The following SLC7A5 variants were observed in gnomAD, a reference collection of about 807,000 sequenced individuals.
SLC7A5 encodes large neutral amino acids transporter small subunit 1.
A neutral mutation model predicts 50.2 loss-of-function variants in SLC7A5; 23 were observed. That is an observed-to-expected ratio of 0.46 (90% CI 0.33 to 0.65). The LOEUF (loss-of-function observed/expected upper bound fraction) is 0.65, where lower values mean the gene tolerates loss of function less well. SLC7A5 is among the 30% of genes least tolerant of loss of function. SLC7A5 has a pLI of 0.02. For synonymous variants in SLC7A5, 393 were observed against 330.6 expected (o/e 1.19, Z -2.05); for missense variants, 578 against 684.4 (o/e 0.84, Z 1.73).
In SLC7A5 at chr16:87,869,286, AG is replaced by A; in HGVS notation, c.136del (p.Leu46CysfsTer25). ...APAGEGEGVTLQRNITLLNGV... is the reference protein window; with the variant it reads ...APAGEGEGVTXQRNITLLNGV... ...GTTGAGCAGCGTGATGTTCCGCTGCAGGGTCACGCCCTCGCCCTCGCCTGCC... is the reference window on the plus strand; with the variant it reads ...GTTGAGCAGCGTGATGTTCCGCTGCAGGTCACGCCCTCGCCCTCGCCTGCC... On this transcript the variant is annotated frameshift_variant, in exon 1 of 10. Transcript: ENST00000261622. LOFTEE classifies it high-confidence loss of function. 6.2e-7 allele frequency: 1 copy of A among 1,612,028 alleles called. No individual in the cohort carries two copies. Among genetic ancestry groups the A allele is most frequent in the Admixed American group, 1.7e-5 (1 of 60,024 alleles).
intron 1 of SLC7A5, among the ~76,000 whole-genome samples, chr16:87,863,101 C>T (rs924970682): frequency 2.0e-5 from 3 of 152,250 alleles, no homozygotes; most frequent in Non-Finnish European, 4.4e-5. Flanking sequence ...GCTTTCAAGG[C>T]ATGGAGGAGC....
rs2055398617 is a variant in SLC7A5, at chr16:87,861,555, G to A, written c.538+7330C>T. Among the ~76,000 whole-genome samples the A allele has an allele frequency of 6.6e-6, 1 of 152,202 alleles. No homozygotes were observed. The highest frequency in any genetic ancestry group is 6.5e-5 in the Admixed American group (1 of 15,290). On this transcript the variant is annotated intron_variant, in intron 1 of 9. Coordinates refer to ENST00000261622, the MANE Select transcript of SLC7A5 (RefSeq NM_003486.7). This position sits in a 1 kb window ranked among gnomAD's most constrained non-coding sequence, Gnocchi z 4.2. ...TATCACTGGCTTCAAAGGCTGGAGT[G>A]CAAAGTGGTGGCCAAGAGGTGGCCA...
At chr16:87,854,752 G>C (rs1418727590) in intron 1 of SLC7A5, among the ~76,000 whole-genome samples, 1 of 152,264 alleles carries the variant, frequency 6.6e-6, no homozygotes, top group Non-Finnish European at 1.5e-5. Context: ...CGGGCAGGCT[G>C]AGCTGGGGGC....
In SLC7A5 at chr16:87,862,219, T is replaced by C. The variant is rs867837655; in HGVS notation, c.538+6666A>G. 8.5e-5 allele frequency among the ~76,000 whole-genome samples: 13 copies of C among 152,174 alleles called. No homozygotes were observed. Among genetic ancestry groups the C allele is most frequent in the African/African-American group, 2.4e-4 (10 of 41,496 alleles). ...TTACAGGTGCTGGATACCCCAGCGGTTGGGGGGGTGGTGCTGGACACCCAG... is the reference window on the plus strand; with the variant it reads ...TTACAGGTGCTGGATACCCCAGCGGCTGGGGGGGTGGTGCTGGACACCCAG... On this transcript the variant is annotated intron_variant, in intron 1 of 9. Coordinates refer to ENST00000261622, the MANE Select transcript of SLC7A5 (RefSeq NM_003486.7). The surrounding 1 kb of genome is among the most constrained non-coding windows in gnomAD (Gnocchi z 5.3).
rs1260768383 is a variant in SLC7A5 at position 87,852,550 on chromosome 16, G to A, written c.539-701C>T. On this transcript the variant is annotated intron_variant, in intron 1 of 9. Coordinates refer to ENST00000261622, the MANE Select transcript of SLC7A5 (RefSeq NM_003486.7). The surrounding 1 kb of genome is among the most constrained non-coding windows in gnomAD (Gnocchi z 4.5). ...GGCCAGAACGCCTGCCCCAGGAGGC[G>A]CTGAGATGTGGGGTCAGGCACGCTC... 6.6e-6 allele frequency among the ~76,000 whole-genome samples: 1 copy of A among 152,054 alleles called. No homozygotes were observed. Among genetic ancestry groups the A allele is most frequent in the Non-Finnish European group, 1.5e-5 (1 of 68,018 alleles).
chr16:87,863,131 G>C (rs150502025), intron 1 of SLC7A5, among the ~76,000 whole-genome samples: 1 of 152,170 alleles, frequency 6.6e-6, no homozygotes, highest in South Asian at 2.1e-4. Context: ...GCCACTTCCC[G>C]AACACCTATG....
chr16:87,865,437 G>A (rs997232815), intron 1 of SLC7A5, among the ~76,000 whole-genome samples: 9 of 152,176 alleles, frequency 5.9e-5, no homozygotes, highest in African/African-American at 2.2e-4. Flanking sequence ...GGCCAGGTGT[G>A]GTGGCTCAAG....
rs1239952001 is a variant in SLC7A5, at chr16:87,838,833, C to G, written c.940-16G>C. On this transcript the variant is annotated splice_polypyrimidine_tract_variant and intron_variant, in intron 5 of 9. Transcript: ENST00000261622. ...TCCCGAAGTCCTAGGCAGGCACAAC[C>G]AGTGAGCTGGGCCCCACCGGGCCGG... 6.2e-7 allele frequency: 1 copy of G among 1,602,136 alleles called. No individual in the cohort carries two copies. Among genetic ancestry groups the G allele is most frequent in the African/African-American group, 1.3e-5 (1 of 74,708 alleles).
In SLC7A5 at chr16:87,831,453, T is replaced by G. The variant is rs548369517; in HGVS notation, c.*1517A>C. 1 of 152,278 alleles carries G rather than the reference T, an allele frequency of 6.6e-6. No homozygotes were observed. Among genetic ancestry groups the G allele is most frequent in the East Asian group, 1.9e-4 (1 of 5,186 alleles). The allele number at this position is 152,278 out of a possible 1,614,324, so 9.4% of individuals were successfully genotyped here. On this transcript the variant is annotated 3_prime_UTR_variant, in exon 10 of 10. Transcript: ENST00000261622. ...GCTCCACTGGGCACTTGCTGAGAGC[T>G]TGCGGCTTGAGCAGCCGCTGGTCAG...
intron 1 of SLC7A5, among the ~76,000 whole-genome samples, chr16:87,859,325 T>G (rs941709034): frequency 6.6e-6 from 1 of 152,092 alleles, no homozygotes; most frequent in Non-Finnish European, 1.5e-5. Context: ...CCAAGAACCC[T>G]CAGGCTCTGA....
intron 2 of SLC7A5, among the ~76,000 whole-genome samples, chr16:87,848,541 C>A (rs1012332811): frequency 3.3e-5 from 5 of 152,348 alleles, no homozygotes; most frequent in African/African-American, 1.2e-4. Flanking sequence ...GACACCTAAG[C>A]CTGCGTGTCC....
In SLC7A5 at chr16:87,838,652, A is replaced by T. The variant is rs1567489143; in HGVS notation, c.1043+62T>A. 10 of 1,215,852 alleles carry T rather than the reference A, an allele frequency of 8.2e-6. 1 individual carries two copies. In the South Asian group the frequency reaches 1.1e-4, roughly 13 times the overall value. The allele number at this position is 1,215,852 out of a possible 1,614,324, so 75.3% of individuals were successfully genotyped here. On this transcript the variant is annotated intron_variant, in intron 6 of 9. Coordinates refer to ENST00000261622, the MANE Select transcript of SLC7A5 (RefSeq NM_003486.7). Reference sequence around the variant, plus strand: ...GACAAACCTTTTACAGACATGGAACATGTTGAACCTGGCCATGAGGCCTGG... The same window carrying T: ...GACAAACCTTTTACAGACATGGAACTTGTTGAACCTGGCCATGAGGCCTGG...
rs2055498163 is a variant in SLC7A5 at position 87,869,008 on chromosome 16, T to C, written c.415A>G (p.Ile139Val). 1.2e-6 allele frequency: 2 copies of C among 1,611,734 alleles called. No individual in the cohort carries two copies. ...AFLKLWIELL[I>V]IRPSSQYIVA... ...ATGTACTGCGATGAAGGCCGGATGATGAGCAGCTCGATCCAGAGCTTGAGG... is the reference window on the plus strand; with the variant it reads ...ATGTACTGCGATGAAGGCCGGATGACGAGCAGCTCGATCCAGAGCTTGAGG... The change falls in exon 1 of 10, where the codon ATC (isoleucine) becomes GTC (valine). Residue 139 changes from isoleucine (I) to valine (V), a missense_variant. Transcript: ENST00000261622.
At chr16:87,855,029 G>A (rs1335077796) in intron 1 of SLC7A5, among the ~76,000 whole-genome samples, 1 of 152,240 alleles carries the variant, frequency 6.6e-6, no homozygotes, top group African/African-American at 2.4e-5. Flanking sequence ...CCAGCGCCAG[G>A]GCCTTGGCCA....
In SLC7A5 at chr16:87,837,926, C is replaced by T. The variant is rs1243559523; in HGVS notation, c.1059G>A (p.Gly353=). 3 of 1,605,582 alleles carry T rather than the reference C, an allele frequency of 1.9e-6. No homozygotes were observed. The highest frequency in any genetic ancestry group is 2.5e-6 in the Non-Finnish European group (3 of 1,177,292). The part of the protein sequence containing the change: ...LFTSSRLFFV[G]SREGHLPSIL... The stretch of plus-strand genomic sequence containing the variant: ...TGGAGGGCAGGTGGCCTTCCCGGGA[C>T]CCCACGAAGAAGAGCCTGTGGACAG... The change falls in exon 7 of 10, where the codon GGG becomes GGA. Residue 353 remains glycine (G), a synonymous_variant. Coordinates refer to ENST00000261622, the MANE Select transcript of SLC7A5 (RefSeq NM_003486.7).
intron 2 of SLC7A5, among the ~76,000 whole-genome samples, chr16:87,849,126 C>T (rs943845069): frequency 1.3e-5 from 2 of 152,240 alleles, no homozygotes; most frequent in African/African-American, 2.4e-5. Flanking sequence ...ACTTGCCAGT[C>T]GTTGCAAAAT....
At position 87,852,587 on chromosome 16, in the gene SLC7A5, C is replaced by T. The variant is rs997349617; in HGVS notation, c.539-738G>A. On this transcript the variant is annotated intron_variant, in intron 1 of 9. Coordinates refer to ENST00000261622, the MANE Select transcript of SLC7A5 (RefSeq NM_003486.7). The surrounding 1 kb of genome is among the most constrained non-coding windows in gnomAD (Gnocchi z 4.5). ...GGTCAGGCACGCTCAGACAGGTCTC[C>T]AGACACCAGCACGTCCTCCTGGGCC... Among the ~76,000 whole-genome samples the T allele has an allele frequency of 2.0e-5, 3 of 151,848 alleles. No individual in the cohort carries two copies. Among genetic ancestry groups the T allele is most frequent in the African/African-American group, 7.3e-5 (3 of 41,294 alleles).
chr16:87,866,406 G>C (rs1187168562), intron 1 of SLC7A5, among the ~76,000 whole-genome samples: 3 of 152,194 alleles, frequency 2.0e-5, no homozygotes, highest in Admixed American at 6.5e-5. Flanking sequence ...GGTTCAAGCA[G>C]TTCTCCTGCC....
At position 87,858,152 on chromosome 16, in the gene SLC7A5, T is replaced by G. The variant is rs529563120; in HGVS notation, c.539-6303A>C. Among the ~76,000 whole-genome samples, 7 of 152,302 alleles carry G rather than the reference T, an allele frequency of 4.6e-5. No homozygotes were observed. The East Asian group carries it at 1.3e-3, about 29-fold the overall frequency. On this transcript the variant is annotated intron_variant, in intron 1 of 9. Transcript: ENST00000261622. ...GAAACTCTGAAACCAGGCCACCCGG[T>G]GCTGAAATGCTGTGTGAACTCCGGC... is the stretch of plus-strand genomic sequence containing the variant.
Sources: allele counts gnomAD v4.1 joint callset (sites outside exome capture counted in the v4.1 genomes callset), GRCh38; gene constraint gnomAD v4.1.1; non-coding constraint Gnocchi (gnomAD v3.1); transcripts MANE v1.5; gene names NCBI Gene and HGNC (gene_info 2026-07-23, HGNC 2026-07-21).